Variants in ERI2 observed in about 807,000 individuals in gnomAD.
The protein encoded by ERI2 is ERI1 exoribonuclease 2.
ERI2 carries 35 observed loss-of-function variants against 46.8 expected under a neutral mutation model. The observed-to-expected ratio is 0.75, with a 90% CI of 0.57 to 0.99. ERI2 has a LOEUF of 0.99. Among genes scored for constraint, ERI2 ranks in the 50% least tolerant of loss-of-function variants. ERI2 has a pLI of 0.00. For missense variants in ERI2, 695 were observed against 796.2 expected, an observed-to-expected ratio of 0.87 and a Z score of 1.53; for synonymous variants, 224 against 271.0, an observed-to-expected ratio of 0.83 and a Z score of 1.70.
At chr16:20,794,082 G>A (rs1345478236), downstream of ERI2, among the ~76,000 whole-genome samples, 3 of 152,120 alleles carry the variant, frequency 2.0e-5, no homozygotes, top group Non-Finnish European at 2.9e-5. Flanking sequence ...ATGTGAGTGG[G>A]TATCTCAAAC....
Position 20,803,706 on chromosome 16 carries a change from A to G in ERI2, c.24-36T>C, listed in dbSNP as rs780212653. On this transcript the variant is annotated intron_variant, in intron 1 of 8. Transcript: ENST00000357967. ...GAAGCAATCCAAATATGATCAATGA[A>G]CTCATTCACACTCCTGTTTGAGTAG... 3.1e-6 allele frequency: 5 copies of G among 1,603,938 alleles called. No individual in the cohort carries two copies. The Admixed American group carries it at 8.4e-5, about 27-fold the overall frequency.
Position 20,797,784 on chromosome 16 carries a change from G to C in ERI2, c.2016C>G (p.Asp672Glu), listed in dbSNP as rs1347995344. The change falls in exon 9 of 9, where the codon GAC becomes GAG. Residue 672 changes from aspartate to glutamate, a missense_variant. Coordinates refer to ENST00000357967, the MANE Select transcript of ERI2 (RefSeq NM_001142725.2). ...FSSPETSHICDRNLSISTKNS... is the reference protein window; with the variant it reads ...FSSPETSHICERNLSISTKNS... ...TTTTGGTGGAAATACTTAAATTTCTGTCACAAATATGGCTTGTTTCTGGAG... is the reference window on the plus strand; with the variant it reads ...TTTTGGTGGAAATACTTAAATTTCTCTCACAAATATGGCTTGTTTCTGGAG... 1.3e-6 allele frequency: 2 copies of C among 1,550,526 alleles called. No individual in the cohort carries two copies. Among genetic ancestry groups the C allele is most frequent in the Admixed American group, 3.9e-5 (2 of 50,790 alleles).
At chr16:20,791,979 A>G (rs757120306), downstream of ERI2, 1 of 1,613,166 alleles carries the variant, frequency 6.2e-7, no homozygotes, top group South Asian at 1.1e-5. Context: ...CACCATAACA[A>G]CAAAATGCTA....
intron 6 of ERI2, 101 bp from the exon 7 acceptor site, chr16:20,800,139 G>A: frequency 1.1e-6 from 1 of 906,730 alleles, no homozygotes; most frequent in Non-Finnish European, 1.7e-6. Flanking sequence ...TTTAGAATGT[G>A]CTTATTTTTT....
chr16:20,797,050 G>A lies in ERI2; in HGVS notation c.*674C>T. ...TCTAGAAACCACAAGATGATGGAGA[G>A]GTCATAAAAACTGTGGTAGTATGCT... On this transcript the variant is annotated 3_prime_UTR_variant, in exon 9 of 9. Transcript: ENST00000357967. 1 of 1,537,742 alleles carries A rather than the reference G, an allele frequency of 6.5e-7. No individual in the cohort carries two copies.
chr16:20,794,610 A>G (rs1025228964), downstream of ERI2, among the ~76,000 whole-genome samples: 9 of 152,242 alleles, frequency 5.9e-5, no homozygotes, highest in African/African-American at 1.9e-4. Flanking sequence ...AGAGATTTGA[A>G]GCCCACTTAT....
rs1452837500 is a variant in ERI2 at position 20,790,732 on chromosome 16, A to G, written c.815+118T>C. ...AATCTCATTTTCTATTTATTTCTCA[A>G]GTGCTTGGTAACAATCCCTGTTTGC... On this transcript the variant is annotated intron_variant, in intron 9 of 10. Coordinates refer to the ERI2 transcript ENST00000300005. The surrounding 1 kb of genome is among the most constrained non-coding windows in gnomAD (Gnocchi z 4.0). 1.9e-6 allele frequency: 3 copies of G among 1,613,896 alleles called. No homozygotes were observed. Among genetic ancestry groups the G allele is most frequent in the South Asian group, 2.2e-5 (2 of 91,066 alleles).
chr16:20,798,205 G>A lies in ERI2; in HGVS notation c.1595C>T (p.Thr532Ile). Reference sequence around the variant, plus strand: ...TTGGGGACTGCATGGATTCCTTTTGGTACCACCTGAAAGAAGAGGATGTTT... The same window carrying A: ...TTGGGGACTGCATGGATTCCTTTTGATACCACCTGAAAGAAGAGGATGTTT... The part of the protein sequence containing the change: ...LGKHPLLSGG[T>I]KRNPCSPQAF... The change falls in exon 9 of 9, where the codon ACC becomes ATC. Residue 532 changes from threonine to isoleucine, a missense_variant. By Grantham distance (89) the Thr-to-Ile change is moderately conservative (BLOSUM62 -1). Coordinates refer to ENST00000357967, the MANE Select transcript of ERI2 (RefSeq NM_001142725.2). 3 of 1,551,556 alleles carry A rather than the reference G, an allele frequency of 1.9e-6. No homozygotes were observed. Among genetic ancestry groups the A allele is most frequent in the South Asian group, 2.4e-5 (2 of 84,054 alleles).
At chr16:20,794,365 C>T (rs995189562), downstream of ERI2, among the ~76,000 whole-genome samples, 10 of 152,126 alleles carry the variant, frequency 6.6e-5, no homozygotes, top group African/African-American at 2.4e-4. Flanking sequence ...AACCATAGGC[C>T]ACTGTTAAGA....
chr16:20,806,381 C>T, intron 1 of ERI2, 27 bp downstream of exon 1: 1 of 1,548,438 alleles, frequency 6.5e-7, no homozygotes, highest in South Asian at 1.2e-5. Flanking sequence ...GAGCTACCCG[C>T]CCCCGACCCG....
chr16:20,799,347 C>T lies in ERI2; in HGVS notation c.648G>A (p.Leu216=), dbSNP rs368289312. Residue 216 remains leucine (L), a synonymous_variant, in exon 8 of 9, where the codon TTG becomes TTA. Transcript: ENST00000357967. ...GAAGGGCAGTATTCCGAGAATCGTC[C>T]AACCCTGAGGATACAGATATCAAAC... ...IEFSGREHSG[L]DDSRNTALLA... 28 of 1,613,364 alleles carry T rather than the reference C, an allele frequency of 1.7e-5. No individual in the cohort carries two copies. The highest frequency in any genetic ancestry group is 5.3e-5 in the African/African-American group (4 of 74,894).
intron 10 of ERI2, among the ~76,000 whole-genome samples, chr16:20,787,331 T>C (rs541864665): frequency 6.6e-6 from 1 of 152,308 alleles, no homozygotes; most frequent in Admixed American, 6.5e-5. Flanking sequence ...ATTGTAAAGT[T>C]GGGAAATAGT....
At position 20,791,056 on chromosome 16, in the gene ERI2, C is replaced by G. The variant is rs569285428; in HGVS notation, c.733-124G>C. The G allele has an allele frequency of 5.2e-5, 49 of 939,936 alleles. No homozygotes were observed. In the Admixed American group the frequency reaches 7.5e-4, roughly 14 times the overall value. The allele number at this position is 939,936 out of a possible 1,614,324, so 58.2% of individuals were successfully genotyped here. ...GGAAGAGTGAGAGGGACAGGGGATG[C>G]GGGGGTGGTGGGATTAAGCAAATGT... On this transcript the variant is annotated intron_variant, in intron 8 of 10. Coordinates refer to the ERI2 transcript ENST00000300005.
chr16:20,802,851 G>A lies in ERI2; in HGVS notation c.248C>T (p.Pro83Leu), dbSNP rs369691763. 21 of 1,611,366 alleles carry A rather than the reference G, an allele frequency of 1.3e-5. No homozygotes were observed. The highest frequency in any genetic ancestry group is 4.0e-5 in the African/African-American group (3 of 74,894). Residue 83 changes from proline (P) to leucine (L), a missense_variant, in exon 4 of 9, where the codon CCT (proline) becomes CTT (leucine). Coordinates refer to ENST00000357967, the MANE Select transcript of ERI2 (RefSeq NM_001142725.2). ...TTCTGAAAGAATTGGATGTTCCTGA[G>A]GTTGAACATAAGCCTGGAACTCAGA... ...IDSEFQAYVQ[P>L]QEHPILSEFC...
At chr16:20,799,839 GA>G in intron 7 of ERI2, 117 bp downstream of exon 7, 1 of 637,320 alleles carries the variant, frequency 1.6e-6, no homozygotes, top group South Asian at 1.9e-5. Flanking sequence ...TTTAGATTAG[GA>G]GTTTTTTTTT....
Position 20,797,421 on chromosome 16 carries a change from C to A in ERI2, c.*303G>T. 1 of 1,013,834 alleles carries A rather than the reference C, an allele frequency of 9.9e-7. No individual in the cohort carries two copies. The highest frequency in any genetic ancestry group is 1.2e-6 in the Non-Finnish European group (1 of 844,872). The allele number at this position is 1,013,834 out of a possible 1,614,324, so 62.8% of individuals were successfully genotyped here. ...AGAAGATTATGATAATCTCAAAGTA[C>A]AAGAATCTACCTGAAAATAGACTAG... On this transcript the variant is annotated 3_prime_UTR_variant, in exon 9 of 9. Coordinates refer to ENST00000357967, the MANE Select transcript of ERI2 (RefSeq NM_001142725.2).
At chr16:20,795,710 C>A (rs954444930), downstream of ERI2, among the ~76,000 whole-genome samples, 2 of 152,210 alleles carry the variant, frequency 1.3e-5, no homozygotes, top group Admixed American at 6.5e-5. Flanking sequence ...CTAGTTGATG[C>A]ACCTAGACTC....
At chr16:20,791,006 A>G in intron 8 of ERI2, 1 of 1,492,668 alleles carries the variant, frequency 6.7e-7, no homozygotes, top group South Asian at 1.2e-5. Flanking sequence ...TTTTCCTGAA[A>G]TCCAGTTAGT....
intron 10 of ERI2, chr16:20,780,878 A>G: frequency 1.2e-6 from 2 of 1,613,986 alleles, no homozygotes; most frequent in Non-Finnish European, 1.7e-6. Context: ...ACAAAAGTGC[A>G]GCTTGAAGTG....
Sources: gnomAD v4.1 joint callset for allele counts (sites outside exome capture counted in the v4.1 genomes callset) on GRCh38, gnomAD v4.1.1 for gene constraint, Gnocchi (gnomAD v3.1) non-coding constraint, MANE v1.5 for transcripts, NCBI Gene and HGNC (gene_info 2026-07-23, HGNC 2026-07-21) for gene names.